Variants in PCDH17 observed in about 807,000 individuals in gnomAD.
The protein encoded by PCDH17 is protocadherin-17.
PCDH17 carries 21 observed loss-of-function variants against 67.7 expected under a neutral mutation model. The ratio of observed to expected loss-of-function variants is 0.31; its 90% CI spans 0.22 to 0.45. PCDH17 has a LOEUF of 0.45. Ranked by LOEUF, PCDH17 falls within the 20% of genes least tolerant of loss-of-function variation. PCDH17 has a pLI of 1.00. For synonymous variants in PCDH17, 701 were observed against 656.7 expected, an observed-to-expected ratio of 1.07 and a Z score of -1.03; for missense variants, 1,471 against 1,564.8, an observed-to-expected ratio of 0.94 and a Z score of 1.01.
rs186490566 is a variant in PCDH17, at chr13:57,664,818, A to T, written c.2566-1650A>T. Among the ~76,000 whole-genome samples, 21 of 152,268 alleles carry T rather than the reference A, an allele frequency of 1.4e-4. No homozygotes were observed. In the East Asian group the frequency reaches 2.5e-3, roughly 18 times the overall value. The stretch of plus-strand genomic sequence containing the variant: ...GTGACTAAGTAATTATAGTTTAAAA[A>T]TTTTTCAAAATATTTTTGGAAACAT... On this transcript the variant is annotated intron_variant, in intron 1 of 3. Coordinates refer to ENST00000377918, the MANE Select transcript of PCDH17 (RefSeq NM_001040429.3).
At chr13:57,638,862 A>G (rs567590444) in intron 1 of PCDH17, among the ~76,000 whole-genome samples, 2 of 152,110 alleles carry the variant, frequency 1.3e-5, no homozygotes, top group Admixed American at 6.5e-5. Flanking sequence ...ACTTTGCTCT[A>G]GTACAGGAAG....
chr13:57,639,730 A>T (rs534845494), intron 1 of PCDH17, among the ~76,000 whole-genome samples: 1 of 151,946 alleles, frequency 6.6e-6, no homozygotes, highest in Non-Finnish European at 1.5e-5. Flanking sequence ...ATATTACCAT[A>T]TGTAAGTATA....
At chr13:57,694,301 T>A (rs1955586662) in intron 3 of PCDH17, among the ~76,000 whole-genome samples, 1 of 151,300 alleles carries the variant, frequency 6.6e-6, no homozygotes, top group African/African-American at 2.4e-5. Flanking sequence ...TTATAATAGC[T>A]ACTTTCTTAT....
intron 1 of PCDH17, among the ~76,000 whole-genome samples, chr13:57,652,014 C>G (rs2138001467): frequency 6.6e-6 from 1 of 151,524 alleles, no homozygotes; most frequent in South Asian, 2.1e-4. Flanking sequence ...CGCGGTGGCT[C>G]ACGCCTGTAA....
intron 3 of PCDH17, among the ~76,000 whole-genome samples, chr13:57,677,316 T>A (rs188159287): frequency 6.6e-6 from 1 of 151,976 alleles, no homozygotes; most frequent in East Asian, 1.9e-4. Flanking sequence ...TGTATTGTTA[T>A]TTAGGTATAA....
chr13:57,652,990 T>C (rs1955060122), intron 1 of PCDH17, among the ~76,000 whole-genome samples: 1 of 152,208 alleles, frequency 6.6e-6, no homozygotes, highest in South Asian at 2.1e-4. Context: ...CTGTGACCTA[T>C]GTATAACACA....
At chr13:57,630,165 C>A (rs950165218), upstream of PCDH17, among the ~76,000 whole-genome samples, 1 of 152,186 alleles carries the variant, frequency 6.6e-6, no homozygotes, top group Non-Finnish European at 1.5e-5. Flanking sequence ...GATGCGGCAG[C>A]GGCGGAAGGC....
intron 3 of PCDH17, among the ~76,000 whole-genome samples, chr13:57,721,970 C>T (rs963318743): frequency 2.0e-5 from 3 of 152,140 alleles, no homozygotes; most frequent in Non-Finnish European, 4.4e-5. Flanking sequence ...CTCATAGTTT[C>T]TACTGTTTGT....
chr13:57,686,669 G>T (rs1955510711), intron 3 of PCDH17, among the ~76,000 whole-genome samples: 1 of 151,848 alleles, frequency 6.6e-6, no homozygotes, highest in Non-Finnish European at 1.5e-5. Context: ...ATTTAGAGAA[G>T]AGATATAATA....
chr13:57,656,879 A>T (rs1186998941), intron 1 of PCDH17, among the ~76,000 whole-genome samples: 1 of 152,158 alleles, frequency 6.6e-6, no homozygotes, highest in Non-Finnish European at 1.5e-5. Flanking sequence ...TTCTGTCCTC[A>T]TGGCACATCC....
chr13:57,632,440 G>T lies in PCDH17; in HGVS notation c.-107G>T. On this transcript the variant is annotated 5_prime_UTR_variant, in exon 1 of 4. Transcript: ENST00000377918. ...GAGGGAAAAAAGGACCCATAGACTT[G>T]TGGCTCGCGTCGCGCGCGCACGCTG... 8.8e-7 allele frequency: 1 copy of T among 1,140,940 alleles called. No homozygotes were observed. The highest frequency in any genetic ancestry group is 2.6e-5 in the East Asian group (1 of 39,174). 70.7% of individuals were successfully genotyped at this position (1,140,940 alleles called of 1,614,324 possible). A position where few individuals can be genotyped will look rare whatever the true frequency, so the allele number is the denominator to read the frequency against.
In PCDH17 at chr13:57,725,237, A is replaced by G; in HGVS notation, c.3423A>G (p.Glu1141=). The change falls in exon 4 of 4, where the codon GAA becomes GAG. Residue 1141 remains glutamate (E), a synonymous_variant. Coordinates refer to ENST00000377918, the MANE Select transcript of PCDH17 (RefSeq NM_001040429.3). ...TGGATGCAGAGGAAGTTGTGAGAGA[A>G]ATTGATAAGCTTTTGCAAGACTGCC... ...ESVDAEEVVR[E]IDKLLQDCRG... 1 of 1,614,044 alleles carries G rather than the reference A, an allele frequency of 6.2e-7. No individual in the cohort carries two copies. The highest frequency in any genetic ancestry group is 8.5e-7 in the Non-Finnish European group (1 of 1,179,950).
At chr13:57,687,412 G>C (rs1038411112) in intron 3 of PCDH17, among the ~76,000 whole-genome samples, 1 of 151,914 alleles carries the variant, frequency 6.6e-6, no homozygotes, top group Admixed American at 6.6e-5. Context: ...TTTTGTAGGT[G>C]TTTTGATGTG....
Position 57,724,827 on chromosome 13 carries a change from A to T in PCDH17, c.3013A>T (p.Lys1005Ter). Reference protein sequence around the residue: ...KKTFCTFGKDKREHTILIANV... With the variant: ...KKTFCTFGKD ...GACTTTTTGTACATTTGGAAAAGAC[A>T]AGCGAGAGCACACTATTCTCATTGC... The change falls in exon 4 of 4, where the codon AAG becomes TAG. Residue 1005 changes from lysine to a stop codon, truncating the protein, a stop_gained. Transcript: ENST00000377918. LOFTEE classifies it high-confidence loss of function. The T allele has an allele frequency of 6.2e-7, 1 of 1,614,210 alleles. No individual in the cohort carries two copies. Among genetic ancestry groups the T allele is most frequent in the Non-Finnish European group, 8.5e-7 (1 of 1,180,024 alleles).
In PCDH17 at chr13:57,634,817, CAAG is replaced by C. The variant is rs748659728; in HGVS notation, c.2282_2284del (p.Lys761del). On this transcript the variant is annotated inframe_deletion, in exon 1 of 4. Coordinates refer to ENST00000377918, the MANE Select transcript of PCDH17 (RefSeq NM_001040429.3). The surrounding 1 kb of genome is among the most constrained non-coding windows in gnomAD (Gnocchi z 7.8). ...ACCCGCAGCTGGGTGGGGGCAAGGG[CAAG>C]AAGAAGAAGATCAACAAAAATGATA... The C allele has an allele frequency of 3.8e-5, 61 of 1,613,838 alleles. No homozygotes were observed. The highest frequency in any genetic ancestry group is 1.5e-4 in the African/African-American group (11 of 74,854).
chr13:57,647,869 AT>A (rs1954985056), intron 1 of PCDH17, among the ~76,000 whole-genome samples: 1 of 151,842 alleles, frequency 6.6e-6, no homozygotes, highest in Non-Finnish European at 1.5e-5. Flanking sequence ...TAGAATGCTA[AT>A]TTTTTTAACC....
At chr13:57,661,892 G>C (rs1443147755) in intron 1 of PCDH17, among the ~76,000 whole-genome samples, 4 of 152,058 alleles carry the variant, frequency 2.6e-5, no homozygotes, top group Admixed American at 2.0e-4. Context: ...TTTTGAGACA[G>C]AGTCTCACTC....
intron 3 of PCDH17, among the ~76,000 whole-genome samples, chr13:57,671,496 A>T (rs1027038523): frequency 4.6e-5 from 7 of 151,972 alleles, no homozygotes; most frequent in Admixed American, 3.9e-4. Flanking sequence ...TATTATTCAC[A>T]CTTTAGCTTC....
At chr13:57,679,183 T>C (rs112795856) in intron 3 of PCDH17, among the ~76,000 whole-genome samples, 1 of 151,554 alleles carries the variant, frequency 6.6e-6, no homozygotes, top group Non-Finnish European at 1.5e-5. Flanking sequence ...TATGCAGTCT[T>C]ATATTTAATT....
Sources: allele counts gnomAD v4.1 joint callset (sites outside exome capture counted in the v4.1 genomes callset), GRCh38; gene constraint gnomAD v4.1.1; non-coding constraint Gnocchi (gnomAD v3.1); transcripts MANE v1.5; gene names NCBI Gene and HGNC (gene_info 2026-07-23, HGNC 2026-07-21).